The following ITSN1 variants were observed in gnomAD, a reference collection of about 807,000 sequenced individuals.
ITSN1 encodes intersectin 1, also known as intersectin-1.
Under a neutral mutation model 239.8 loss-of-function variants are expected in ITSN1, and 58 were observed. The observed-to-expected ratio is 0.24, with a 90% CI of 0.20 to 0.30. The LOEUF is 0.30. Ranked by LOEUF, ITSN1 falls within the 10% of genes least tolerant of loss-of-function variation. The probability of loss-of-function intolerance (pLI) is 1.00; values close to 1 mark genes in which losing one functional copy is unlikely to be tolerated. For missense variants in ITSN1, 1,558 were observed against 2,103.3 expected (o/e 0.74, Z 5.07); for synonymous variants, 780 against 770.8 (o/e 1.01, Z -0.20).
At chr21:33,883,064 T>C (rs1172797715) in intron 35 of ITSN1, among the ~76,000 whole-genome samples, 8 of 152,006 alleles carry the variant, frequency 5.3e-5, no homozygotes, top group Non-Finnish European at 1.2e-4. Flanking sequence ...AGCTTTATTA[T>C]GGGAAAAAAA....
intron 16 of ITSN1, among the ~76,000 whole-genome samples, chr21:33,787,208 C>T (rs1433279389): frequency 7.9e-5 from 12 of 152,128 alleles, no homozygotes; most frequent in Admixed American, 7.9e-4. Flanking sequence ...CATTTTAGAT[C>T]ATTGAATTTG....
chr21:33,856,569 CA>C (rs1979383346), intron 29 of ITSN1, among the ~76,000 whole-genome samples, 166 bp from the exon 30 acceptor site: 1 of 152,236 alleles, frequency 6.6e-6, no homozygotes, highest in South Asian at 2.1e-4. Context: ...TCACAGGTAC[CA>C]GGGGGTAGGG....
intron 14 of ITSN1, among the ~76,000 whole-genome samples, chr21:33,778,248 T>C (rs2069811165): frequency 1.3e-5 from 2 of 152,202 alleles, no homozygotes; most frequent in Non-Finnish European, 1.5e-5. Flanking sequence ...GTTTTTAGTG[T>C]TCTTCTAATA....
At chr21:33,727,150 A>G (rs2065878554) in intron 4 of ITSN1, among the ~76,000 whole-genome samples, 1 of 152,172 alleles carries the variant, frequency 6.6e-6, no homozygotes, top group African/African-American at 2.4e-5. Flanking sequence ...GTGGCCAAAG[A>G]TGGTACATCT....
At chr21:33,796,603 A>G (rs2071580415) in intron 17 of ITSN1, among the ~76,000 whole-genome samples, 1 of 152,208 alleles carries the variant, frequency 6.6e-6, no homozygotes, top group South Asian at 2.1e-4. Context: ...ATTGAAGCCC[A>G]TGCATGTATG....
At chr21:33,873,212 C>G (rs190351111) in intron 33 of ITSN1, among the ~76,000 whole-genome samples, 2 of 152,336 alleles carry the variant, frequency 1.3e-5, no homozygotes, top group East Asian at 1.9e-4. Flanking sequence ...GTGTGTTTTT[C>G]TCCATTTGAG....
Position 33,818,380 on chromosome 21 carries a change from C to T in ITSN1, c.2841C>T (p.Asp947=), listed in dbSNP as rs571555112. The T allele has an allele frequency of 1.9e-6, 3 of 1,614,196 alleles. No individual in the cohort carries two copies. In the East Asian group the frequency reaches 6.7e-5, roughly 36 times the overall value. The change falls in exon 23 of 40, where the codon GAC becomes GAT. Residue 947 remains aspartate (D), a synonymous_variant. Coordinates refer to ENST00000381318, the MANE Select transcript of ITSN1 (RefSeq NM_003024.3). The part of the protein sequence containing the change: ...NDVITVLEQQ[D]MWWFGEVQGQ... ...TCATCACCGTCCTGGAACAGCAAGA[C>T]ATGTGGTGGTTTGGAGAAGTTCAAG...
intron 1 of ITSN1, among the ~76,000 whole-genome samples, chr21:33,710,976 T>C (rs559783313): frequency 2.0e-4 from 31 of 151,924 alleles, no homozygotes; most frequent in Non-Finnish European, 3.8e-4. Context: ...CAGCTAATTA[T>C]TGTATTTTTA....
chr21:33,827,335 G>C lies in ITSN1; in HGVS notation c.3229+472G>C, dbSNP rs372484954. 1.2e-4 allele frequency among the ~76,000 whole-genome samples: 19 copies of C among 152,282 alleles called. 2 individuals carry two copies. In the East Asian group the frequency reaches 2.9e-3, roughly 23 times the overall value. ...GAATCACTTGAACCCGGGAGGCCAA[G>C]GTGGCAGTGAGCCGAGGTTGCTCCA... On this transcript the variant is annotated intron_variant, in intron 26 of 39. Transcript: ENST00000381318.
chr21:33,731,219 C>T (rs964760673), intron 4 of ITSN1, among the ~76,000 whole-genome samples: 1 of 152,126 alleles, frequency 6.6e-6, no homozygotes, highest in African/African-American at 2.4e-5. Context: ...CTAATTAAGC[C>T]ATTACCTAAA....
chr21:33,774,067 A>C (rs1382438595), intron 12 of ITSN1, among the ~76,000 whole-genome samples: 1 of 152,180 alleles, frequency 6.6e-6, no homozygotes, highest in Non-Finnish European at 1.5e-5. Context: ...TCAACGTACC[A>C]AAAAAATGAT....
intron 22 of ITSN1, 45 bp from the exon 23 acceptor site, chr21:33,818,222 C>T: frequency 6.4e-7 from 1 of 1,551,904 alleles, no homozygotes; most frequent in South Asian, 1.1e-5. Context: ...TAATTGATAA[C>T]AAAGCGCAAC....
At chr21:33,763,698 A>G (rs1418262567) in intron 9 of ITSN1, among the ~76,000 whole-genome samples, 2 of 152,078 alleles carry the variant, frequency 1.3e-5, no homozygotes, top group Non-Finnish European at 2.9e-5. Context: ...CAAAAGGCAC[A>G]TAATGTCTCT....
At chr21:33,702,119 T>TAAACA (rs1568975120) in intron 1 of ITSN1, among the ~76,000 whole-genome samples, 2 of 146,726 alleles carry the variant, frequency 1.4e-5, no homozygotes, top group African/African-American at 5.0e-5. Context: ...TTTTTTTTTT[T>TAAACA]TTTTTTTTTT....
chr21:33,867,536 C>T (rs1450423182), intron 33 of ITSN1, among the ~76,000 whole-genome samples: 3 of 151,836 alleles, frequency 2.0e-5, no homozygotes, highest in Non-Finnish European at 4.4e-5. Flanking sequence ...CACGGTGGCC[C>T]GCGCCTGTAA....
intron 33 of ITSN1, among the ~76,000 whole-genome samples, chr21:33,873,272 A>T (rs939690938): frequency 6.6e-6 from 1 of 152,248 alleles, no homozygotes; most frequent in Non-Finnish European, 1.5e-5. Flanking sequence ...TAAGATATTC[A>T]GAGTCAGGGC....
intron 29 of ITSN1, among the ~76,000 whole-genome samples, chr21:33,840,139 A>G (rs2074773195): frequency 1.3e-5 from 2 of 152,102 alleles, no homozygotes; most frequent in Admixed American, 6.5e-5. Context: ...TTATATTTCA[A>G]AATCTTATTC....
chr21:33,749,486 T>G (rs902236759), intron 5 of ITSN1, among the ~76,000 whole-genome samples: 1 of 151,788 alleles, frequency 6.6e-6, no homozygotes, highest in Non-Finnish European at 1.5e-5. Context: ...CTACTAAAAA[T>G]GTAAAAATAG....
chr21:33,763,444 A>G (rs370140621), intron 9 of ITSN1, among the ~76,000 whole-genome samples: 1 of 151,898 alleles, frequency 6.6e-6, no homozygotes, highest in Non-Finnish European at 1.5e-5. Flanking sequence ...TTGTTGGGGG[A>G]TGTCCTGTAT....
Sources: allele counts gnomAD v4.1 joint callset (sites outside exome capture counted in the v4.1 genomes callset), GRCh38; gene constraint gnomAD v4.1.1; transcripts MANE v1.5; gene names NCBI Gene and HGNC (gene_info 2026-07-23, HGNC 2026-07-21).